The following CNTN5 variants were observed in gnomAD, a reference collection of about 807,000 sequenced individuals.
CNTN5 encodes contactin 5.
A neutral mutation model predicts 129.1 loss-of-function variants in CNTN5; 77 were observed. The observed-to-expected ratio is 0.60, with a 90% CI of 0.50 to 0.72. CNTN5 has a LOEUF of 0.72. CNTN5 is among the 30% of genes least tolerant of loss of function. CNTN5 has a pLI of 0.00. For missense variants in CNTN5, 1,478 were observed against 1,328.8 expected, an observed-to-expected ratio of 1.11 and a Z score of -1.75; for synonymous variants, 509 against 465.6, an observed-to-expected ratio of 1.09 and a Z score of -1.20.
intron 1 of CNTN5, among the ~76,000 whole-genome samples, chr11:99,034,421 C>G (rs1452499558): frequency 4.6e-5 from 7 of 151,480 alleles, no homozygotes; most frequent in African/African-American, 1.7e-4. Flanking sequence ...GGTTGGTAAG[C>G]TATTGATTAT....
At chr11:100,326,872 C>G (rs1243411980) in intron 21 of CNTN5, among the ~76,000 whole-genome samples, 1 of 152,136 alleles carries the variant, frequency 6.6e-6, no homozygotes, top group Non-Finnish European at 1.5e-5. Context: ...GTGAAAAGAG[C>G]TTTCAGTCAC....
chr11:99,729,519 A>G lies in CNTN5; in HGVS notation c.56-90025A>G, dbSNP rs145549195. On this transcript the variant is annotated intron_variant, in intron 3 of 24. Transcript: ENST00000524871. ...TTGTAACACATTATTTTGAATTAGT[A>G]TAGCTATCTGTATGCTTCTTCACTC... 1.8e-4 allele frequency among the ~76,000 whole-genome samples: 27 copies of G among 152,220 alleles called. No individual in the cohort carries two copies. The East Asian group carries it at 4.8e-3, about 27-fold the overall frequency.
In CNTN5 at chr11:99,637,010, C is replaced by CAAAAAAAAAAAAA. The variant is rs869133131; in HGVS notation, c.55+80760_55+80772dup. ...CCTGGTGACAGAGCTAACTTTGTCT[C>CAAAAAAAAAAAAA]AAAAAAAAAAAAAAAAAAAAAAAAA... On this transcript the variant is annotated intron_variant, in intron 3 of 24. Transcript: ENST00000524871. Among the ~76,000 whole-genome samples the CAAAAAAAAAAAAA allele has an allele frequency of 8.2e-3, 64 of 7,822 alleles. 15 individuals are homozygous for CAAAAAAAAAAAAA. The highest frequency in any genetic ancestry group is 0.011 in the East Asian group (3 of 268). The allele number at this position is 7,822 out of a possible 152,430, so 5.1% of individuals were successfully genotyped here.
At chr11:99,702,696 A>G (rs908739935) in intron 3 of CNTN5, among the ~76,000 whole-genome samples, 3 of 150,970 alleles carry the variant, frequency 2.0e-5, no homozygotes, top group Admixed American at 1.3e-4. Context: ...ACTTACATAT[A>G]TGAAAGCCCA....
rs115814398 is a variant in CNTN5, at chr11:100,215,765, T to C, written c.1885-8927T>C. 3.8e-3 allele frequency among the ~76,000 whole-genome samples: 577 copies of C among 152,216 alleles called. 5 individuals carry two copies. Among genetic ancestry groups the C allele is most frequent in the African/African-American group, 0.013 (547 of 41,538 alleles). On this transcript the variant is annotated intron_variant, in intron 15 of 24. Coordinates refer to ENST00000524871, the MANE Select transcript of CNTN5 (RefSeq NM_014361.4). ...ATTCCATTCCAAGTATTGGCAGGTA[T>C]TGTACTCTAGAGAGAGGTTGTGGAT...
intron 2 of CNTN5, among the ~76,000 whole-genome samples, chr11:99,520,852 A>C (rs879284181): frequency 2.0e-5 from 3 of 152,152 alleles, no homozygotes; most frequent in Non-Finnish European, 4.4e-5. Context: ...AAAAATGTCA[A>C]CTGGGCACCT....
chr11:99,280,565 T>A (rs1863649793), intron 1 of CNTN5, among the ~76,000 whole-genome samples: 1 of 146,638 alleles, frequency 6.8e-6, no homozygotes, highest in Admixed American at 6.9e-5. Flanking sequence ...GGTTCTAGGT[T>A]AAAAAAAAAA....
intron 1 of CNTN5, among the ~76,000 whole-genome samples, chr11:99,259,143 A>G (rs868098645): frequency 3.7e-4 from 56 of 152,078 alleles, no homozygotes; most frequent in African/African-American, 1.2e-3. Flanking sequence ...ATATGTATGC[A>G]TAAGGTATCA....
At chr11:99,572,756 G>C (rs1949214912) in intron 3 of CNTN5, among the ~76,000 whole-genome samples, 2 of 34,708 alleles carry the variant, frequency 5.8e-5, no homozygotes, top group African/African-American at 7.0e-5. Context: ...TTTAATAATT[G>C]AGGGTTTTTT....
At chr11:100,307,532 T>C (rs113265435) in intron 20 of CNTN5, among the ~76,000 whole-genome samples, 2 of 150,992 alleles carry the variant, frequency 1.3e-5, no homozygotes, top group Admixed American at 1.3e-4. Flanking sequence ...AAAAAAATAG[T>C]GTGAAAGGTC....
chr11:99,048,674 C>G (rs1388362860), intron 1 of CNTN5, among the ~76,000 whole-genome samples: 3 of 152,096 alleles, frequency 2.0e-5, no homozygotes, highest in Admixed American at 1.3e-4. Flanking sequence ...CTACATTATG[C>G]TACAGTTTCA....
chr11:100,228,341 G>T (rs1009905938), intron 16 of CNTN5, among the ~76,000 whole-genome samples: 1 of 152,118 alleles, frequency 6.6e-6, no homozygotes, highest in Non-Finnish European at 1.5e-5. Flanking sequence ...AATTTGAAAC[G>T]AATGAATTAA....
At chr11:99,420,854 C>T (rs541430076) in intron 2 of CNTN5, among the ~76,000 whole-genome samples, 3 of 152,254 alleles carry the variant, frequency 2.0e-5, no homozygotes, top group Non-Finnish European at 2.9e-5. Context: ...ATTTTACTTT[C>T]ATGAGGACAG....
intron 3 of CNTN5, among the ~76,000 whole-genome samples, chr11:99,609,189 C>G (rs1367383963): frequency 6.6e-6 from 1 of 152,090 alleles, no homozygotes; most frequent in African/African-American, 2.4e-5. Flanking sequence ...CTTATTTATA[C>G]TTATGGTTGT....
intron 3 of CNTN5, among the ~76,000 whole-genome samples, chr11:99,813,302 C>G (rs1946485866): frequency 6.6e-6 from 1 of 152,062 alleles, no homozygotes. Flanking sequence ...AATTCTGAGC[C>G]TAAAATTTAG....
chr11:100,136,101 A>T (rs1286109888), intron 13 of CNTN5, among the ~76,000 whole-genome samples: 17 of 152,140 alleles, frequency 1.1e-4, no homozygotes, highest in Admixed American at 1.1e-3. Context: ...TTGAATTAGG[A>T]AAACAGATGT....
At chr11:99,537,625 C>A (rs911692317) in intron 2 of CNTN5, among the ~76,000 whole-genome samples, 1 of 152,160 alleles carries the variant, frequency 6.6e-6, no homozygotes, top group African/African-American at 2.4e-5. Flanking sequence ...CTACCAACCC[C>A]ACCATCACAA....
At chr11:99,121,138 T>TCTTTCTTTCTTTC (rs201431995) in intron 1 of CNTN5, among the ~76,000 whole-genome samples, 2,979 of 146,792 alleles carry the variant, frequency 0.02, 36 homozygotes, top group African/African-American at 0.028. Context: ...TTTCTTTCTT[T>TCTTTCTTTCTTTC]TTTTTTTTTT....
intron 15 of CNTN5, among the ~76,000 whole-genome samples, chr11:100,203,515 T>C (rs1421845463): frequency 6.6e-6 from 1 of 152,040 alleles, no homozygotes; most frequent in Non-Finnish European, 1.5e-5. Flanking sequence ...TTATGCAGTT[T>C]TGGCCACCAA....
Sources: gnomAD v4.1 joint callset for allele counts (sites outside exome capture counted in the v4.1 genomes callset) on GRCh38, gnomAD v4.1.1 for gene constraint, MANE v1.5 for transcripts, NCBI Gene and HGNC (gene_info 2026-07-23, HGNC 2026-07-21) for gene names.